Variants in AUH observed in about 807,000 individuals in gnomAD.
The protein encoded by AUH is methylglutaconyl-CoA hydratase, mitochondrial.
AUH carries 29 observed loss-of-function variants against 42.3 expected under a neutral mutation model. The ratio of observed to expected loss-of-function variants is 0.69; its 90% CI spans 0.51 to 0.93. The LOEUF is 0.93. AUH is among the 40% of genes least tolerant of loss of function. AUH has a pLI of 0.00. For missense variants in AUH, 452 were observed against 438.1 expected (o/e 1.03, Z -0.28); for synonymous variants, 174 against 166.4 (o/e 1.05, Z -0.35).
At chr9:91,256,402 G>A (rs1236275874) in intron 6 of AUH, among the ~76,000 whole-genome samples, 1 of 152,064 alleles carries the variant, frequency 6.6e-6, no homozygotes, top group Non-Finnish European at 1.5e-5. Context: ...CAACAAACCT[G>A]AGCCTGCCCT....
Position 91,315,878 on chromosome 9 carries a change from G to C in AUH, c.505+9440C>G, listed in dbSNP as rs564222778. On this transcript the variant is annotated intron_variant, in intron 4 of 9. Transcript: ENST00000375731. ...AAGTCTGTGTGTGTGTGTATATGTT[G>C]ATTTTATTACACACTTACACATCCC... is the stretch of plus-strand genomic sequence containing the variant. Among the ~76,000 whole-genome samples, 14 of 152,098 alleles carry C rather than the reference G, an allele frequency of 9.2e-5. No homozygotes were observed. The South Asian group carries it at 2.9e-3, about 32-fold the overall frequency.
chr9:91,278,143 G>A (rs896674914), intron 6 of AUH, among the ~76,000 whole-genome samples: 1 of 152,164 alleles, frequency 6.6e-6, no homozygotes, highest in Non-Finnish European at 1.5e-5. Context: ...CATGCTGCAT[G>A]AAGTAAGATC....
Position 91,361,593 on chromosome 9 carries a change from C to G in AUH, c.262+35G>C, listed in dbSNP as rs758725158. On this transcript the variant is annotated intron_variant, in intron 1 of 9. Transcript: ENST00000375731. ...CCCGTCCTGAGAGCGAGCGGCCGCC[C>G]GCTGCCCCGCGCCTGCCCAGCGTTC... 1.0e-5 allele frequency: 16 copies of G among 1,561,400 alleles called. No homozygotes were observed. In the East Asian group the frequency reaches 3.4e-4, roughly 33 times the overall value.
intron 7 of AUH, chr9:91,218,898 C>G: frequency 1.0e-6 from 1 of 985,442 alleles, no homozygotes; most frequent in Non-Finnish European, 1.2e-6. Flanking sequence ...TTTGCAGTCA[C>G]ATATTTTCTG....
chr9:91,288,138 T>C (rs1359667210), intron 6 of AUH, among the ~76,000 whole-genome samples: 2 of 151,964 alleles, frequency 1.3e-5, no homozygotes, highest in African/African-American at 4.8e-5. Context: ...CAAAAAGCCT[T>C]AACAAATTAC....
At chr9:91,218,319 C>T (rs1189017659) in intron 7 of AUH, among the ~76,000 whole-genome samples, 1 of 152,214 alleles carries the variant, frequency 6.6e-6, no homozygotes, top group Non-Finnish European at 1.5e-5. Flanking sequence ...ATTGATAATT[C>T]TTCCCACTGT....
intron 6 of AUH, among the ~76,000 whole-genome samples, chr9:91,293,252 A>C (rs975558866): frequency 2.6e-5 from 4 of 152,226 alleles, no homozygotes; most frequent in Non-Finnish European, 5.9e-5. Flanking sequence ...CTCTCACTGG[A>C]AATCAAAAAC....
rs544505391 is a variant in AUH, at chr9:91,361,631, G to T, written c.259C>A (p.Arg87=). 2 of 1,581,724 alleles carry T rather than the reference G, an allele frequency of 1.3e-6. No homozygotes were observed. The highest frequency in any genetic ancestry group is 1.4e-5 in the African/African-American group (1 of 73,866). ...CTGCCCAGCGTTCGCACCTCACCTC[G>T]GTTCTCCTCCTCCAGGTGCCGCACC... ...LRVRHLEEEN[R]GIVVLGINRA... The change falls in exon 1 of 10, where the codon CGA becomes AGA. Residue 87 remains arginine (R), a synonymous_variant. Coordinates refer to ENST00000375731, the MANE Select transcript of AUH (RefSeq NM_001698.3).
chr9:91,285,455 A>G lies in AUH; in HGVS notation c.655+10566T>C, dbSNP rs572992647. On this transcript the variant is annotated intron_variant, in intron 6 of 9. Coordinates refer to ENST00000375731, the MANE Select transcript of AUH (RefSeq NM_001698.3). ...GCACATGTACCCTAGAACTTAAAGT[A>G]TTAAAAAAAAAAAATCTTGGTGATG... is the stretch of plus-strand genomic sequence containing the variant. Among the ~76,000 whole-genome samples the G allele has an allele frequency of 6.4e-4, 98 of 152,092 alleles. 1 individual carries two copies. Among genetic ancestry groups the G allele is most frequent in the African/African-American group, 2.2e-3 (93 of 41,462 alleles).
At chr9:91,226,245 A>G (rs915665475) in intron 6 of AUH, among the ~76,000 whole-genome samples, 5 of 151,596 alleles carry the variant, frequency 3.3e-5, no homozygotes, top group Non-Finnish European at 7.4e-5. Flanking sequence ...TCGCCATTCT[A>G]ACTGGTGTAA....
chr9:91,313,567 C>T (rs177120), intron 4 of AUH, among the ~76,000 whole-genome samples: 2 of 151,424 alleles, frequency 1.3e-5, no homozygotes, highest in African/African-American at 4.8e-5. Context: ...TAGCCGGGCG[C>T]GGTGGCGGGC....
chr9:91,321,366 A>G (rs749232541), intron 4 of AUH, among the ~76,000 whole-genome samples: 5 of 152,166 alleles, frequency 3.3e-5, no homozygotes, highest in Non-Finnish European at 5.9e-5. Context: ...AGATTGGATG[A>G]ACTTATCTTT....
At chr9:91,238,807 G>A (rs1468836256) in intron 6 of AUH, among the ~76,000 whole-genome samples, 1 of 152,182 alleles carries the variant, frequency 6.6e-6, no homozygotes, top group Non-Finnish European at 1.5e-5. Flanking sequence ...GCCAGAGAAG[G>A]CAAGAAGTAA....
intron 6 of AUH, among the ~76,000 whole-genome samples, chr9:91,264,056 AAGACTTTATCAC>A (rs1354711101): frequency 1.3e-5 from 2 of 152,158 alleles, no homozygotes; most frequent in African/African-American, 4.8e-5. Flanking sequence ...AACCACTATC[AAGACTTTATCAC>A]AGACTAGCTG....
At chr9:91,308,374 A>G (rs1385177815) in intron 4 of AUH, among the ~76,000 whole-genome samples, 1 of 152,116 alleles carries the variant, frequency 6.6e-6, no homozygotes, top group Non-Finnish European at 1.5e-5. Flanking sequence ...AAACAAGAAA[A>G]CTACATACTG....
chr9:91,281,519 A>T (rs1457515869), intron 6 of AUH, among the ~76,000 whole-genome samples: 1 of 152,184 alleles, frequency 6.6e-6, no homozygotes, highest in Admixed American at 6.5e-5. Context: ...AAAACTCCAC[A>T]TCTGTGTAAC....
chr9:91,221,010 G>A lies in AUH; in HGVS notation c.656-18C>T. 3 of 1,613,618 alleles carry A rather than the reference G, an allele frequency of 1.9e-6. No homozygotes were observed. The highest frequency in any genetic ancestry group is 1.7e-6 in the Non-Finnish European group (2 of 1,179,696). On this transcript the variant is annotated intron_variant, in intron 6 of 9. Coordinates refer to ENST00000375731, the MANE Select transcript of AUH (RefSeq NM_001698.3). ...TGTCCCCCCTGAGGGGTGAAAGAGA[G>A]AGAAAAGGCAATGATTTGACACCTG...
chr9:91,322,151 CAGAAA>C (rs1484348616), intron 4 of AUH, among the ~76,000 whole-genome samples: 1 of 151,974 alleles, frequency 6.6e-6, no homozygotes, highest in East Asian at 1.9e-4. Flanking sequence ...AGAACTAGCC[CAGAAA>C]AGAAAAGCTA....
At chr9:91,224,599 C>T (rs973697893) in intron 6 of AUH, among the ~76,000 whole-genome samples, 1 of 152,062 alleles carries the variant, frequency 6.6e-6, no homozygotes, top group Non-Finnish European at 1.5e-5. Flanking sequence ...ATGCTATGGT[C>T]TTTGATCAGT....
Sources: gnomAD v4.1 joint callset for allele counts (sites outside exome capture counted in the v4.1 genomes callset) on GRCh38, gnomAD v4.1.1 for gene constraint, MANE v1.5 for transcripts, NCBI Gene and HGNC (gene_info 2026-07-23, HGNC 2026-07-21) for gene names.